Variants in DAB1 observed in about 807,000 individuals in gnomAD.
DAB1 encodes the protein disabled homolog 1.
Under a neutral mutation model 64.6 loss-of-function variants are expected in DAB1, and 15 were observed. The ratio of observed to expected loss-of-function variants is 0.23; its 90% CI spans 0.16 to 0.36. The LOEUF (loss-of-function observed/expected upper bound fraction) is 0.36, where lower values mean the gene tolerates loss of function less well. Among genes scored for constraint, DAB1 ranks in the 10% least tolerant of loss-of-function variants. DAB1 has a pLI of 1.00. For synonymous variants in DAB1, 235 were observed against 251.9 expected (o/e 0.93, Z 0.64); for missense variants, 596 against 706.7 (o/e 0.84, Z 1.78).
chr1:58,265,480 C>A (rs1007981120), intron 4 of DAB1, among the ~76,000 whole-genome samples: 29 of 152,200 alleles, frequency 1.9e-4, no homozygotes, highest in Non-Finnish European at 8.8e-5. Flanking sequence ...TTCCCACTTC[C>A]ATTGACATTG....
chr1:58,319,995 G>T (rs1341251843), intron 4 of DAB1, among the ~76,000 whole-genome samples: 1 of 152,172 alleles, frequency 6.6e-6, no homozygotes, highest in African/African-American at 2.4e-5. Flanking sequence ...TGAGGAAATT[G>T]TTCATTATAG....
intron 6 of DAB1, among the ~76,000 whole-genome samples, chr1:57,715,201 T>C (rs1421278251): frequency 6.6e-6 from 1 of 152,210 alleles, no homozygotes. Flanking sequence ...CAATAGATGC[T>C]GAAAAAGCAT....
At chr1:57,025,950 G>A (rs1181113225) in intron 10 of DAB1, 31 bp downstream of exon 10, 2 of 1,526,882 alleles carry the variant, frequency 1.3e-6, no homozygotes, top group Non-Finnish European at 1.8e-6. Flanking sequence ...GGAATTCAGA[G>A]AGCAGGGTTC....
chr1:58,536,666 T>A (rs748701144), intron 1 of DAB1: 2 of 872,704 alleles, frequency 2.3e-6, no homozygotes, highest in Non-Finnish European at 4.0e-6. Context: ...ATAGCTTCCA[T>A]TTATTCTTCC....
At chr1:57,994,677 AG>A (rs769805684) in intron 5 of DAB1, among the ~76,000 whole-genome samples, 54 of 152,276 alleles carry the variant, frequency 3.5e-4, no homozygotes, top group Middle Eastern at 3.4e-3. Flanking sequence ...GCACATTCAG[AG>A]GGCTTCAGGA....
At chr1:58,318,833 T>C (rs889177801) in intron 4 of DAB1, among the ~76,000 whole-genome samples, 14 of 152,174 alleles carry the variant, frequency 9.2e-5, no homozygotes, top group Admixed American at 7.2e-4. Context: ...CAAGCATGCA[T>C]TGTAAATCTT....
chr1:57,398,804 T>C (rs572717391), intron 1 of DAB1, among the ~76,000 whole-genome samples: 48 of 152,342 alleles, frequency 3.2e-4, no homozygotes, highest in African/African-American at 1.1e-3. Flanking sequence ...GGGACAGCCA[T>C]ACTGAAGCTT....
At chr1:57,081,833 G>C (rs1323329112) in intron 4 of DAB1, among the ~76,000 whole-genome samples, 1 of 151,964 alleles carries the variant, frequency 6.6e-6, no homozygotes. Flanking sequence ...AATGTCTTTG[G>C]TTATATATTA....
At chr1:57,162,530 C>T (rs1279694808) in intron 2 of DAB1, among the ~76,000 whole-genome samples, 6 of 152,180 alleles carry the variant, frequency 3.9e-5, no homozygotes, top group Admixed American at 2.6e-4. Context: ...CACAAATGAA[C>T]AAGAGTTTCT....
intron 2 of DAB1, among the ~76,000 whole-genome samples, chr1:57,170,218 C>A (rs577238249): frequency 9.9e-5 from 15 of 152,164 alleles, no homozygotes; most frequent in African/African-American, 3.6e-4. Flanking sequence ...AGGCTGATCT[C>A]GAACTCTTGA....
intron 5 of DAB1, among the ~76,000 whole-genome samples, chr1:57,974,897 T>C (rs1418279951): frequency 6.6e-6 from 1 of 152,124 alleles, no homozygotes; most frequent in African/African-American, 2.4e-5. Flanking sequence ...ATTTCCTGAG[T>C]GTCTACTTTA....
At chr1:57,031,758 A>G (rs1411776146) in intron 9 of DAB1, among the ~76,000 whole-genome samples, 1 of 152,236 alleles carries the variant, frequency 6.6e-6, no homozygotes, top group Non-Finnish European at 1.5e-5. Flanking sequence ...TCCATGATGC[A>G]CATCCATTTG....
intron 7 of DAB1, among the ~76,000 whole-genome samples, chr1:57,465,592 A>T (rs1686929906): frequency 6.6e-6 from 1 of 152,196 alleles, no homozygotes; most frequent in Non-Finnish European, 1.5e-5. Context: ...ATATAGTTTG[A>T]AATTCTTTTC....
At position 57,738,247 on chromosome 1, in the gene DAB1, G is replaced by A. The variant is rs561911841; in HGVS notation, n.552-88582C>T. On this transcript the variant is annotated intron_variant and non_coding_transcript_variant, in intron 6 of 20. Transcript: ENST00000485760. The stretch of plus-strand genomic sequence containing the variant: ...TTACAGACTCTTTTGAAGGTAGGAA[G>A]TAATAAAAAGTCAAAGCTAGTAATA... Among the ~76,000 whole-genome samples, 12 of 152,286 alleles carry A rather than the reference G, an allele frequency of 7.9e-5. 1 individual carries two copies. Among genetic ancestry groups the A allele is most frequent in the African/African-American group, 2.4e-4 (10 of 41,578 alleles).
chr1:57,011,144 C>T lies in DAB1; in HGVS notation c.1572+1G>A. 6.2e-7 allele frequency: 1 copy of T among 1,613,992 alleles called. No homozygotes were observed. The highest frequency in any genetic ancestry group is 8.5e-7 in the Non-Finnish European group (1 of 1,179,862). On this transcript the variant is annotated splice_donor_variant, in intron 13 of 14. Transcript: ENST00000371236. LOFTEE classifies it high-confidence loss of function. ...AAACAAATAACAAACTGGTCACTTA[C>T]AGCTTCTTGCTCTTCGCTTTTGCTG...
At chr1:57,611,269 G>A (rs1375372263) in intron 7 of DAB1, among the ~76,000 whole-genome samples, 1 of 151,790 alleles carries the variant, frequency 6.6e-6, no homozygotes, top group East Asian at 1.9e-4. Flanking sequence ...CAGCAGCAAG[G>A]TTCCTGCCTT....
At chr1:58,155,043 G>C (rs1241583946) in intron 4 of DAB1, among the ~76,000 whole-genome samples, 1 of 152,108 alleles carries the variant, frequency 6.6e-6, no homozygotes, top group Non-Finnish European at 1.5e-5. Flanking sequence ...TCCAAAAAAG[G>C]GCACTACTCA....
intron 4 of DAB1, among the ~76,000 whole-genome samples, chr1:58,185,093 C>G (rs534483730): frequency 6.2e-4 from 95 of 152,292 alleles, no homozygotes; most frequent in Non-Finnish European, 1.2e-3. Flanking sequence ...ACAAAAAACT[C>G]AGTTATCTTT....
intron 3 of DAB1, among the ~76,000 whole-genome samples, chr1:58,456,872 C>A (rs1332409735): frequency 6.6e-6 from 1 of 152,060 alleles, no homozygotes; most frequent in Non-Finnish European, 1.5e-5. Context: ...TAAAAACATT[C>A]CAGGTGATTT....
Sources: gnomAD v4.1 joint callset for allele counts (sites outside exome capture counted in the v4.1 genomes callset) on GRCh38, gnomAD v4.1.1 for gene constraint, MANE v1.5 for transcripts, NCBI Gene and HGNC (gene_info 2026-07-23, HGNC 2026-07-21) for gene names.